ATP8A2: variants seen among roughly 807,000 people sequenced by gnomAD.
The protein encoded by ATP8A2 is phospholipid-transporting ATPase IB.
Under a neutral mutation model 165.6 loss-of-function variants are expected in ATP8A2, and 100 were observed. The ratio of observed to expected loss-of-function variants is 0.60; its 90% CI spans 0.51 to 0.71. The LOEUF is 0.71. Among genes scored for constraint, ATP8A2 ranks in the 30% least tolerant of loss-of-function variants. The pLI is 0.00. For missense variants in ATP8A2, 1,227 were observed against 1,479.5 expected (o/e 0.83, Z 2.80); for synonymous variants, 543 against 548.8 (o/e 0.99, Z 0.15).
chr13:25,759,126 G>A (rs577760003), intron 25 of ATP8A2, among the ~76,000 whole-genome samples: 1 of 152,132 alleles, frequency 6.6e-6, no homozygotes, highest in Non-Finnish European at 1.5e-5. Context: ...CTGTCCCTGT[G>A]GCTCTGGGGT....
Position 25,504,469 on chromosome 13 carries a change from G to A in ATP8A2, c.222-25530G>A, listed in dbSNP as rs1188258062. ...AAAAGTATACAGTGCGGCCGGGCGC[G>A]GTGGCTCACGCCTGTAATCCCAGCA... is the stretch of plus-strand genomic sequence containing the variant. On this transcript the variant is annotated intron_variant, in intron 2 of 36. Transcript: ENST00000381655. Among the ~76,000 whole-genome samples, 5 of 143,096 alleles carry A rather than the reference G, an allele frequency of 3.5e-5. No individual in the cohort carries two copies. The East Asian group carries it at 6.0e-4, about 17-fold the overall frequency. 93.9% of individuals were successfully genotyped at this position (143,096 alleles called of 152,430 possible).
intron 33 of ATP8A2, among the ~76,000 whole-genome samples, chr13:25,947,027 C>T (rs995841094): frequency 5.9e-5 from 9 of 152,170 alleles, no homozygotes; most frequent in East Asian, 1.9e-4. Context: ...GGATTACAGG[C>T]GTGAGCCACC....
chr13:25,760,719 A>G (rs1434132553), intron 25 of ATP8A2, among the ~76,000 whole-genome samples: 1 of 152,208 alleles, frequency 6.6e-6, no homozygotes, highest in Non-Finnish European at 1.5e-5. Flanking sequence ...GTAAATGTTA[A>G]TGTATTTTTG....
intron 27 of ATP8A2, 140 bp downstream of exon 27, chr13:25,775,099 A>G: frequency 1.7e-6 from 1 of 575,370 alleles, no homozygotes; most frequent in East Asian, 3.0e-5. Flanking sequence ...CCTGGGTCAC[A>G]TGTAAGCTCC....
rs199956595 is a variant in ATP8A2, at chr13:25,581,991, G to A, written c.2146+34G>A. On this transcript the variant is annotated intron_variant, in intron 23 of 36. Coordinates refer to ENST00000381655, the MANE Select transcript of ATP8A2 (RefSeq NM_016529.6). ...TTTTACAAATAATTTCCTGATGCTG[G>A]GTTTTGTATTTGTTTTTCAAGTATC... 25 of 1,568,914 alleles carry A rather than the reference G, an allele frequency of 1.6e-5. No homozygotes were observed. The African/African-American group carries it at 2.1e-4, about 13-fold the overall frequency.
chr13:25,377,809 G>GCAAAA (rs1302872093), intron 1 of ATP8A2, among the ~76,000 whole-genome samples: 4 of 151,818 alleles, frequency 2.6e-5, no homozygotes, highest in Non-Finnish European at 4.4e-5. Flanking sequence ...ACAAAACAAA[G>GCAAAA]CAAAACAAAA....
chr13:25,866,030 A>G (rs1441189106), intron 33 of ATP8A2, among the ~76,000 whole-genome samples: 1 of 152,192 alleles, frequency 6.6e-6, no homozygotes, highest in Non-Finnish European at 1.5e-5. Flanking sequence ...CCCTTAGGTC[A>G]CCACCTTCCC....
intron 28 of ATP8A2, among the ~76,000 whole-genome samples, chr13:25,832,518 T>C (rs1330600443): frequency 2.6e-5 from 4 of 152,190 alleles, no homozygotes. Flanking sequence ...TGTGACAAAG[T>C]AAGATTTATT....
chr13:25,884,455 C>T (rs1486800559), intron 33 of ATP8A2, among the ~76,000 whole-genome samples: 1 of 152,158 alleles, frequency 6.6e-6, no homozygotes, highest in Non-Finnish European at 1.5e-5. Flanking sequence ...CTCGCGGGTG[C>T]CTTCTAGCTT....
chr13:25,692,336 T>C (rs9319235), intron 24 of ATP8A2, among the ~76,000 whole-genome samples: 15,931 of 152,182 alleles, frequency 0.1, 960 homozygotes, highest in East Asian at 0.26. Flanking sequence ...CTGAGCCCAC[T>C]GGAATTTGCA....
At chr13:25,900,613 A>T (rs570178438) in intron 33 of ATP8A2, among the ~76,000 whole-genome samples, 1 of 152,212 alleles carries the variant, frequency 6.6e-6, no homozygotes, top group Non-Finnish European at 1.5e-5. Context: ...AGGAAGGGGC[A>T]CACTGAGGCG....
intron 35 of ATP8A2, among the ~76,000 whole-genome samples, chr13:25,989,799 C>G (rs1956348665): frequency 6.6e-6 from 1 of 152,180 alleles, no homozygotes. Flanking sequence ...TTCAACGTGG[C>G]CATTGTTCTC....
intron 33 of ATP8A2, among the ~76,000 whole-genome samples, chr13:25,868,695 CTG>C (rs1952591631): frequency 6.6e-6 from 1 of 152,130 alleles, no homozygotes; most frequent in African/African-American, 2.4e-5. Flanking sequence ...GCACCTATGA[CTG>C]TTGTCGCCTG....
intron 25 of ATP8A2, among the ~76,000 whole-genome samples, chr13:25,700,957 C>T (rs998631424): frequency 6.6e-6 from 1 of 152,116 alleles, no homozygotes; most frequent in Non-Finnish European, 1.5e-5. Flanking sequence ...TGATGTTGAT[C>T]GTTTTTTCAT....
At position 25,581,720 on chromosome 13, in the gene ATP8A2, CT is replaced by C. The variant is rs1379078023; in HGVS notation, c.2008-98del. On this transcript the variant is annotated intron_variant, in intron 22 of 36. Transcript: ENST00000381655. ...GTATAAAATAGAGGAAATAGAACAA[CT>C]GTCTCAGAACCGTTTGATTGCCTTT... is the stretch of plus-strand genomic sequence containing the variant. The C allele has an allele frequency of 3.1e-5, 35 of 1,138,622 alleles. 1 individual carries two copies. The highest frequency in any genetic ancestry group is 4.5e-5 in the Non-Finnish European group (34 of 762,288). 70.5% of individuals were successfully genotyped at this position (1,138,622 alleles called of 1,614,324 possible).
At chr13:25,488,127 G>T (rs1024679417) in intron 2 of ATP8A2, among the ~76,000 whole-genome samples, 1 of 152,170 alleles carries the variant, frequency 6.6e-6, no homozygotes, top group Non-Finnish European at 1.5e-5. Flanking sequence ...GACAGGTTGG[G>T]TAGGCTTGTT....
rs547912588 is a variant in ATP8A2 at position 25,623,878 on chromosome 13, C to CTA, written c.2211+34185_2211+34186dup. On this transcript the variant is annotated intron_variant, in intron 24 of 36. Coordinates refer to ENST00000381655, the MANE Select transcript of ATP8A2 (RefSeq NM_016529.6). ...ATTATGCATAGATATATGCATATAC[C>CTA]TATATATGCATATATCTATAATGCA... is the stretch of plus-strand genomic sequence containing the variant. Among the ~76,000 whole-genome samples the CTA allele has an allele frequency of 5.0e-3, 759 of 151,858 alleles. 8 individuals are homozygous for CTA. The highest frequency in any genetic ancestry group is 0.02 in the South Asian group (98 of 4,810).
Position 25,933,716 on chromosome 13 carries a change from G to A in ATP8A2, c.3184-27859G>A, listed in dbSNP as rs1012686959. Among the ~76,000 whole-genome samples, 37 of 152,206 alleles carry A rather than the reference G, an allele frequency of 2.4e-4. 1 individual carries two copies. Among genetic ancestry groups the A allele is most frequent in the African/African-American group, 7.5e-4 (31 of 41,458 alleles). ...AGTCTAAGGCAGCCTCAAAGGCCAC[G>A]TGACAGATACTCACACAAGCTGAAG... On this transcript the variant is annotated intron_variant, in intron 33 of 36. Coordinates refer to ENST00000381655, the MANE Select transcript of ATP8A2 (RefSeq NM_016529.6).
intron 28 of ATP8A2, among the ~76,000 whole-genome samples, chr13:25,829,668 G>GTATATATATATATATA (rs71080203): frequency 1.1e-4 from 7 of 63,414 alleles, no homozygotes; most frequent in South Asian, 5.2e-4. Flanking sequence ...GACAGGTGTG[G>GTATATATATATATATA]TATATATATA....
Sources: gnomAD v4.1 joint callset for allele counts (sites outside exome capture counted in the v4.1 genomes callset) on GRCh38, gnomAD v4.1.1 for gene constraint, MANE v1.5 for transcripts, NCBI Gene and HGNC (gene_info 2026-07-23, HGNC 2026-07-21) for gene names.